Variants in C1orf87 observed in about 807,000 individuals in gnomAD.
C1orf87 encodes uncharacterized protein C1orf87.
C1orf87 carries 58 observed loss-of-function variants against 60.5 expected under a neutral mutation model. The observed-to-expected ratio is 0.96, with a 90% CI of 0.78 to 1.19. The LOEUF (loss-of-function observed/expected upper bound fraction) is 1.19. Among genes scored for constraint, C1orf87 ranks in the 50% most tolerant of loss-of-function variants. C1orf87 has a pLI of 0.00. For missense variants in C1orf87, 673 were observed against 638.6 expected (o/e 1.05, Z -0.58); for synonymous variants, 236 against 227.4 (o/e 1.04, Z -0.34).
chr1:60,036,702 C>T (rs983964611), intron 6 of C1orf87, among the ~76,000 whole-genome samples: 1 of 152,146 alleles, frequency 6.6e-6, no homozygotes, highest in East Asian at 1.9e-4. Flanking sequence ...GCAATGGAGG[C>T]TATGCTCCTA....
chr1:60,050,583 C>T (rs1029428996), intron 3 of C1orf87, among the ~76,000 whole-genome samples: 1 of 150,198 alleles, frequency 6.7e-6, no homozygotes, highest in Admixed American at 6.8e-5. Flanking sequence ...ATCTTATACT[C>T]TGAAAATAGT....
Position 60,044,188 on chromosome 1 carries a change from C to T in C1orf87, c.343-3057G>A, listed in dbSNP as rs184613471. Among the ~76,000 whole-genome samples the T allele has an allele frequency of 9.7e-3, 1,480 of 152,244 alleles. 29 individuals are homozygous for T. The highest frequency in any genetic ancestry group is 0.034 in the African/African-American group (1,406 of 41,546). ...GGGACTACAGGCGCCCGCCACCATG[C>T]CCGGCTAATTTTTTTGTATTTTTAG... On this transcript the variant is annotated intron_variant, in intron 3 of 11. Coordinates refer to ENST00000371201, the MANE Select transcript of C1orf87 (RefSeq NM_152377.3).
intron 8 of C1orf87, among the ~76,000 whole-genome samples, chr1:60,012,196 C>T (rs1444988438): frequency 1.3e-5 from 2 of 150,096 alleles, no homozygotes; most frequent in Non-Finnish European, 3.0e-5. Flanking sequence ...AAACACAAAA[C>T]AACAACAACA....
chr1:60,029,637 G>T (rs374314345), intron 7 of C1orf87, among the ~76,000 whole-genome samples: 20 of 95,650 alleles, frequency 2.1e-4, no homozygotes, highest in East Asian at 9.6e-4. Context: ...GTCCCCCCAA[G>T]TTTTTTTTTT....
chr1:60,046,065 AT>A (rs898344769), intron 3 of C1orf87, among the ~76,000 whole-genome samples: 3 of 151,696 alleles, frequency 2.0e-5, no homozygotes, highest in Non-Finnish European at 2.9e-5. Context: ...ACCTTTTAAA[AT>A]TCCTTCCTTC....
At chr1:60,003,394 C>T (rs974951086) in intron 9 of C1orf87, among the ~76,000 whole-genome samples, 21 of 151,930 alleles carry the variant, frequency 1.4e-4, no homozygotes, top group Middle Eastern at 6.8e-3. Flanking sequence ...GTGGGTGCAG[C>T]GCACCAGCAT....
rs1644973015 is a variant in C1orf87 at position 59,997,716 on chromosome 1, G to A, written c.1373C>T (p.Pro458Leu). 6.2e-7 allele frequency: 1 copy of A among 1,613,942 alleles called. No individual in the cohort carries two copies. Among genetic ancestry groups the A allele is most frequent in the Non-Finnish European group, 8.5e-7 (1 of 1,179,896 alleles). Residue 458 changes from proline to leucine, a missense_variant, in exon 11 of 12, where the codon CCC becomes CTC. Coordinates refer to ENST00000371201, the MANE Select transcript of C1orf87 (RefSeq NM_152377.3). ...KPLKIRPVSQ[P>L]FVNPAVKNKA... ...GTTCTTCACAGCTGGATTCACGAAG[G>A]GCTGGGAGACTGGCCTGATCTTTAA...
At chr1:60,048,047 CCTT>C (rs1317418835) in intron 3 of C1orf87, among the ~76,000 whole-genome samples, 1 of 152,076 alleles carries the variant, frequency 6.6e-6, no homozygotes, top group Non-Finnish European at 1.5e-5. Context: ...TATGTAGTCT[CCTT>C]CATCCCCTCA....
At chr1:60,045,879 T>A (rs1302917841) in intron 3 of C1orf87, among the ~76,000 whole-genome samples, 1 of 152,228 alleles carries the variant, frequency 6.6e-6, no homozygotes, top group African/African-American at 2.4e-5. Flanking sequence ...GGACTCTTTT[T>A]AAATACACAA....
chr1:60,053,048 C>A (rs2100315484), intron 3 of C1orf87, among the ~76,000 whole-genome samples: 1 of 152,270 alleles, frequency 6.6e-6, no homozygotes, highest in African/African-American at 2.4e-5. Context: ...GCCGAGCTAG[C>A]AAATAATCCA....
intron 2 of C1orf87, among the ~76,000 whole-genome samples, chr1:60,055,823 GCTCTATGC>G (rs1645451456): frequency 6.6e-6 from 1 of 151,912 alleles, no homozygotes; most frequent in African/African-American, 2.4e-5. Context: ...CTCCAGTTCT[GCTCTATGC>G]CTCTCCCCTT....
At chr1:60,043,126 A>G (rs916849155) in intron 3 of C1orf87, among the ~76,000 whole-genome samples, 1 of 152,238 alleles carries the variant, frequency 6.6e-6, no homozygotes, top group African/African-American at 2.4e-5. Context: ...CTTTCAGAGC[A>G]TAGTTTAACT....
chr1:59,994,338 T>C (rs942422933), intron 11 of C1orf87, among the ~76,000 whole-genome samples: 1 of 152,076 alleles, frequency 6.6e-6, no homozygotes, highest in Non-Finnish European at 1.5e-5. Flanking sequence ...TAGTGGGGAT[T>C]CATGGAGAGC....
Position 60,025,441 on chromosome 1 carries a change from A to G in C1orf87, c.1087T>C (p.Leu363=), listed in dbSNP as rs1283742664. The change falls in exon 8 of 12, where the codon TTG becomes CTG. Residue 363 remains leucine, a synonymous_variant. Coordinates refer to ENST00000371201, the MANE Select transcript of C1orf87 (RefSeq NM_152377.3). ...LYLTLSLLET[L]LNHQDLGYQN... is the part of the protein sequence containing the mutation. ...TAACCCAAATCTTGATGGTTAAGCA[A>G]TGTTTCCAGCAGGCTCAGGGTCAGA... 1.9e-6 allele frequency: 3 copies of G among 1,613,530 alleles called. No homozygotes were observed. The highest frequency in any genetic ancestry group is 2.2e-5 in the South Asian group (2 of 91,000).
intron 10 of C1orf87, among the ~76,000 whole-genome samples, chr1:59,999,291 T>C (rs550131449): frequency 6.6e-6 from 1 of 152,280 alleles, no homozygotes; most frequent in African/African-American, 2.4e-5. Context: ...CGGATTCCTA[T>C]AAAAAGAATT....
chr1:60,042,252 G>A (rs991452013), intron 3 of C1orf87, among the ~76,000 whole-genome samples: 1 of 152,012 alleles, frequency 6.6e-6, no homozygotes, highest in Admixed American at 6.6e-5. Flanking sequence ...ATTTATTTTT[G>A]AGACGGAGTC....
At chr1:60,073,658 T>C (rs1165492391) in intron 1 of C1orf87, 32 bp downstream of exon 1, 2 of 152,462 alleles carry the variant, frequency 1.3e-5, no homozygotes, top group Admixed American at 1.3e-4. Flanking sequence ...TCGGCCCTGA[T>C]TGCCCGGAGA....
At chr1:60,047,263 A>G (rs1295880538) in intron 3 of C1orf87, among the ~76,000 whole-genome samples, 1 of 152,184 alleles carries the variant, frequency 6.6e-6, no homozygotes, top group Non-Finnish European at 1.5e-5. Context: ...GTTCCCTAGC[A>G]TTCTTCAGAG....
In C1orf87 at chr1:60,038,006, G is replaced by A; in HGVS notation, c.849C>T (p.Gly283=). Residue 283 remains glycine (G), a synonymous_variant, in exon 6 of 12, where the codon GGC becomes GGT. Transcript: ENST00000371201. ...GAGAAGAGTACCTTTGGCTATGAGTGCCATGACTCTCAGTTTTTCTCAGGT... is the reference window on the plus strand; with the variant it reads ...GAGAAGAGTACCTTTGGCTATGAGTACCATGACTCTCAGTTTTTCTCAGGT... The part of the protein sequence containing the change: ...AADLRKTESH[G]THSQSTPPQH... The A allele has an allele frequency of 1.9e-6, 3 of 1,608,416 alleles. No homozygotes were observed. Among genetic ancestry groups the A allele is most frequent in the Non-Finnish European group, 2.6e-6 (3 of 1,175,622 alleles).
Sources: gnomAD v4.1 joint callset for allele counts (sites outside exome capture counted in the v4.1 genomes callset) on GRCh38, gnomAD v4.1.1 for gene constraint, MANE v1.5 for transcripts, NCBI Gene and HGNC (gene_info 2026-07-23, HGNC 2026-07-21) for gene names.